Variants in VSTM4 observed in about 807,000 individuals in gnomAD.
VSTM4 encodes V-set and transmembrane domain-containing protein 4.
VSTM4 carries 20 observed loss-of-function variants against 36.4 expected under a neutral mutation model. The observed-to-expected ratio is 0.55, with a 90% CI of 0.39 to 0.80. The LOEUF (loss-of-function observed/expected upper bound fraction) is 0.80. VSTM4 is among the 30% of genes least tolerant of loss of function. The pLI, the probability that VSTM4 is intolerant of heterozygous loss-of-function variation, is 0.00. For synonymous variants in VSTM4, 182 were observed against 173.9 expected, an observed-to-expected ratio of 1.05 and a Z score of -0.37; for missense variants, 392 against 404.5, an observed-to-expected ratio of 0.97 and a Z score of 0.26.
At chr10:49,047,154 T>C in intron 6 of VSTM4, 110 bp from the exon 7 acceptor site, 3 of 1,113,416 alleles carry the variant, frequency 2.7e-6, no homozygotes, top group Non-Finnish European at 4.0e-6. Context: ...CCCTTCCTGG[T>C]CCCATGGAAG....
intron 2 of VSTM4, among the ~76,000 whole-genome samples, chr10:49,096,864 A>C (rs1196765901): frequency 1.3e-5 from 2 of 152,046 alleles, no homozygotes; most frequent in African/African-American, 4.8e-5. Flanking sequence ...CATGTTAGCC[A>C]GGCTGGTCTT....
Position 49,038,007 on chromosome 10 carries a change from G to A in VSTM4, c.837+8976C>T, listed in dbSNP as rs1590076440. Among the ~76,000 whole-genome samples the A allele has an allele frequency of 2.0e-5, 3 of 151,850 alleles. No homozygotes were observed. The Middle Eastern group carries it at 0.01, about 531-fold the overall frequency. On this transcript the variant is annotated intron_variant, in intron 7 of 7. Coordinates refer to ENST00000332853, the MANE Select transcript of VSTM4 (RefSeq NM_001031746.5). ...GAAATTGAAACCCTGTGTGCTCTTT[G>A]TAGGAATGTAAAATGGTGCAGCTGA...
At chr10:49,029,967 G>A (rs377207282) in intron 7 of VSTM4, among the ~76,000 whole-genome samples, 8 of 152,156 alleles carry the variant, frequency 5.3e-5, no homozygotes, top group African/African-American at 1.7e-4. Flanking sequence ...AGGGGGCCCC[G>A]CACCCCTCTC....
At position 49,028,079 on chromosome 10, in the gene VSTM4, G is replaced by A. The variant is rs1913522; in HGVS notation, c.838-8304C>T. On this transcript the variant is annotated intron_variant, in intron 7 of 7. Transcript: ENST00000332853. ...TCAATTGCTCCACATCCTTGTCAGC[G>A]CTTTTTTTTCTTTTAGCCATTGTTC... Among the ~76,000 whole-genome samples, 306 of 152,268 alleles carry A rather than the reference G, an allele frequency of 2.0e-3. 1 individual carries two copies. Among genetic ancestry groups the A allele is most frequent in the African/African-American group, 6.7e-3 (280 of 41,540 alleles).
chr10:49,079,280 T>C (rs1844236632), intron 3 of VSTM4, among the ~76,000 whole-genome samples: 2 of 152,146 alleles, frequency 1.3e-5, no homozygotes, highest in African/African-American at 4.8e-5. Context: ...CACAGCTCAC[T>C]GCAGCCTTGA....
chr10:49,080,025 A>G (rs965352492), intron 3 of VSTM4, among the ~76,000 whole-genome samples: 2 of 152,212 alleles, frequency 1.3e-5, no homozygotes, highest in African/African-American at 4.8e-5. Context: ...ATATATCAGC[A>G]ATGATTTAAC....
chr10:49,108,136 C>A, intron 1 of VSTM4, 141 bp from the exon 2 acceptor site: 2 of 1,237,282 alleles, frequency 1.6e-6, no homozygotes, highest in Non-Finnish European at 2.2e-6. Flanking sequence ...GGCGGCCCCT[C>A]ACCTCTCCAG....
Position 49,048,506 on chromosome 10 carries a change from A to G in VSTM4, c.747T>C (p.Pro249=). The G allele has an allele frequency of 6.3e-7, 1 of 1,595,738 alleles. No homozygotes were observed. Among genetic ancestry groups the G allele is most frequent in the Non-Finnish European group, 8.5e-7 (1 of 1,173,598 alleles). The change falls in exon 6 of 8, where the codon CCT becomes CCC. Residue 249 remains proline (P), a synonymous_variant. Coordinates refer to ENST00000332853, the MANE Select transcript of VSTM4 (RefSeq NM_001031746.5). ...TGGCAGGGACTGCGGGAGGAATGTC[A>G]GGCTTCTCCTTCTGCCTCTTGCCCT... is the stretch of plus-strand genomic sequence containing the variant. The part of the protein sequence containing the change: ...PKKGKRQKEK[P]DIPPAVPAKA...
chr10:49,068,567 T>C (rs936616209), intron 4 of VSTM4, among the ~76,000 whole-genome samples: 7 of 152,088 alleles, frequency 4.6e-5, no homozygotes, highest in African/African-American at 1.7e-4. Context: ...TCAAAAGTGA[T>C]TCTGGACATC....
At chr10:49,036,362 C>T (rs1843431841) in intron 7 of VSTM4, among the ~76,000 whole-genome samples, 1 of 152,100 alleles carries the variant, frequency 6.6e-6, no homozygotes, top group Non-Finnish European at 1.5e-5. Flanking sequence ...GTATTTTTTT[C>T]CCAAGGCTTT....
intron 4 of VSTM4, 22 bp downstream of exon 4, chr10:49,077,197 A>G (rs777142390): frequency 2.6e-5 from 42 of 1,612,030 alleles, no homozygotes; most frequent in East Asian, 8.9e-5. Flanking sequence ...CATCCCAGAC[A>G]TGACCTTATC....
chr10:49,086,123 C>T, intron 2 of VSTM4, 100 bp from the exon 3 acceptor site: 1 of 720,864 alleles, frequency 1.4e-6, no homozygotes, highest in South Asian at 2.2e-5. Flanking sequence ...TGCAAAACCA[C>T]ATTTAGTTGT....
chr10:49,057,021 C>T lies in VSTM4; in HGVS notation c.668+7682G>A, dbSNP rs138794108. Among the ~76,000 whole-genome samples, 20 of 151,760 alleles carry T rather than the reference C, an allele frequency of 1.3e-4. No homozygotes were observed. The East Asian group carries it at 3.7e-3, about 28-fold the overall frequency. On this transcript the variant is annotated intron_variant, in intron 5 of 7. Coordinates refer to ENST00000332853, the MANE Select transcript of VSTM4 (RefSeq NM_001031746.5). ...CGGCGAGAGGGGGGCAAGAGAAAGA[C>T]GGAGGAGGGGCCAGGCTCTTTTAAA...
chr10:49,043,064 AG>A (rs1360130284), intron 7 of VSTM4, among the ~76,000 whole-genome samples: 2 of 152,096 alleles, frequency 1.3e-5, no homozygotes, highest in African/African-American at 2.4e-5. Context: ...AATGAGAGAG[AG>A]GGATGGTCAT....
intron 3 of VSTM4, among the ~76,000 whole-genome samples, chr10:49,081,123 C>T (rs912471321): frequency 6.6e-6 from 1 of 152,184 alleles, no homozygotes; most frequent in African/African-American, 2.4e-5. Flanking sequence ...TCCCAGGGCA[C>T]AGGATGGCCA....
intron 7 of VSTM4, among the ~76,000 whole-genome samples, chr10:49,034,921 G>GA: frequency 6.6e-6 from 1 of 152,284 alleles, no homozygotes; most frequent in African/African-American, 2.4e-5. Context: ...AAAATGCAGA[G>GA]AAAAAGTTTT....
chr10:49,067,713 G>T (rs1024098299), intron 4 of VSTM4, among the ~76,000 whole-genome samples: 1 of 152,168 alleles, frequency 6.6e-6, no homozygotes, highest in Admixed American at 6.5e-5. Flanking sequence ...ATAAATTTCT[G>T]TTGTTAAAGC....
At chr10:49,064,395 G>T (rs1449718032) in intron 5 of VSTM4, 4 of 365,898 alleles carry the variant, frequency 1.1e-5, no homozygotes, top group African/African-American at 4.2e-5. Flanking sequence ...GTATCAAAGT[G>T]GTTCAGAGCA....
intron 5 of VSTM4, among the ~76,000 whole-genome samples, chr10:49,050,514 T>C (rs888461151): frequency 6.6e-6 from 1 of 152,220 alleles, no homozygotes; most frequent in African/African-American, 2.4e-5. Flanking sequence ...CCCACTGAGA[T>C]TCCCCAAAGA....
Sources: gnomAD v4.1 joint callset for allele counts (sites outside exome capture counted in the v4.1 genomes callset) on GRCh38, gnomAD v4.1.1 for gene constraint, MANE v1.5 for transcripts, NCBI Gene and HGNC (gene_info 2026-07-23, HGNC 2026-07-21) for gene names.